Variants in UNC80 observed in about 807,000 individuals in gnomAD.
The protein encoded by UNC80 is protein unc-80 homolog.
Under a neutral mutation model 384.6 loss-of-function variants are expected in UNC80, and 164 were observed. That is an observed-to-expected ratio of 0.43 (90% CI 0.38 to 0.49). The LOEUF is 0.49. Among genes scored for constraint, UNC80 ranks in the 20% least tolerant of loss-of-function variants. The pLI, the probability that UNC80 is intolerant of heterozygous loss-of-function variation, is 0.00. For synonymous variants in UNC80, 1,486 were observed against 1,527.8 expected (o/e 0.97, Z 0.64); for missense variants, 3,330 against 4,143.0 (o/e 0.80, Z 5.39).
At chr2:209,841,721 A>G (rs959925512) in intron 20 of UNC80, among the ~76,000 whole-genome samples, 4 of 152,236 alleles carry the variant, frequency 2.6e-5, no homozygotes, top group Non-Finnish European at 4.4e-5. Context: ...ATGCAAGACT[A>G]TAGCATATTT....
intron 51 of UNC80, among the ~76,000 whole-genome samples, chr2:209,965,207 C>T (rs1275380102): frequency 6.6e-6 from 1 of 151,992 alleles, no homozygotes; most frequent in African/African-American, 2.4e-5. Flanking sequence ...GAGGCTGAGG[C>T]AGGCAGATTG....
chr2:209,912,638 T>A lies in UNC80; in HGVS notation c.4861T>A (p.Ser1621Thr). 1 of 1,551,344 alleles carries A rather than the reference T, an allele frequency of 6.4e-7. No homozygotes were observed. Among genetic ancestry groups the A allele is most frequent in the Non-Finnish European group, 8.7e-7 (1 of 1,146,818 alleles). ...SDANLEGKKDSGMLKYIRLQV... is the reference protein window; with the variant it reads ...SDANLEGKKDTGMLKYIRLQV... ...TGCCAATCTGGAAGGAAAAAAAGAT[T>A]CCGGAATGCTGAAGTACATCAGACT... is the stretch of plus-strand genomic sequence containing the variant. Residue 1621 changes from serine (S) to threonine (T), a missense_variant, in exon 30 of 65, where the codon TCC (serine) becomes ACC (threonine). Ser to Thr is a moderately conservative substitution (Grantham distance 58, BLOSUM62 1). Coordinates refer to ENST00000673920, the MANE Select transcript of UNC80 (RefSeq NM_001371986.1).
In UNC80 at chr2:209,957,748, C is replaced by A; in HGVS notation, c.7550+12C>A. 2.6e-6 allele frequency: 4 copies of A among 1,550,746 alleles called. No individual in the cohort carries two copies. The highest frequency in any genetic ancestry group is 3.5e-6 in the Non-Finnish European group (4 of 1,146,302). ...GGGGTGAACACCAGGTAATTCACTGCGCCTTATTCTTCTATGGTCTCTCAA... is the reference window on the plus strand; with the variant it reads ...GGGGTGAACACCAGGTAATTCACTGAGCCTTATTCTTCTATGGTCTCTCAA... On this transcript the variant is annotated intron_variant, in intron 49 of 64. Transcript: ENST00000673920.
At chr2:209,955,692 A>AATATATATATATATATATATATATAT (rs57804600) in intron 48 of UNC80, among the ~76,000 whole-genome samples, 1 of 51,614 alleles carries the variant, frequency 1.9e-5, no homozygotes, top group Non-Finnish European at 3.9e-5. Context: ...CTGTATTTCT[A>AATATATATATATATATATATATATAT]ATATATATAT....
intron 21 of UNC80, among the ~76,000 whole-genome samples, chr2:209,844,669 C>T (rs990136839): frequency 4.0e-5 from 6 of 151,268 alleles, no homozygotes; most frequent in East Asian, 1.9e-4. Flanking sequence ...AGTCCACTGC[C>T]GCCTCAAACT....
chr2:209,912,199 C>T (rs998815648), intron 29 of UNC80, among the ~76,000 whole-genome samples: 6 of 152,094 alleles, frequency 3.9e-5, no homozygotes, highest in African/African-American at 1.4e-4. Context: ...TGTTTTTTAA[C>T]TGCTTGATGA....
At chr2:209,993,574 A>G in intron 63 of UNC80, 148 bp downstream of exon 63, 1 of 635,388 alleles carries the variant, frequency 1.6e-6, no homozygotes, top group East Asian at 2.9e-5. Flanking sequence ...AGAAAACTGT[A>G]GTGTCTTTTT....
At chr2:209,978,841 G>A (rs1343910682) in intron 59 of UNC80, 133 bp downstream of exon 59, 5 of 833,950 alleles carry the variant, frequency 6.0e-6, no homozygotes, top group South Asian at 3.7e-5. Context: ...AGTTCTAGGG[G>A]AAATGTGACT....
At chr2:209,964,741 C>T (rs551475135) in intron 51 of UNC80, among the ~76,000 whole-genome samples, 12 of 148,110 alleles carry the variant, frequency 8.1e-5, no homozygotes, top group African/African-American at 2.0e-4. Flanking sequence ...GAGCCGAGAT[C>T]GCACCACTGC....
intron 59 of UNC80, 76 bp from the exon 60 acceptor site, chr2:209,982,103 C>T (rs1192187276): frequency 9.6e-6 from 14 of 1,456,616 alleles, no homozygotes; most frequent in Non-Finnish European, 1.3e-5. Context: ...AGGACAGAAC[C>T]CAAGTACAGC....
chr2:209,809,080 G>T, intron 7 of UNC80: 1 of 492,424 alleles, frequency 2.0e-6, no homozygotes. Context: ...CAGCGGGAAA[G>T]GCTCCCAGTC....
chr2:209,848,574 T>C (rs987469297), intron 21 of UNC80, among the ~76,000 whole-genome samples: 1 of 152,192 alleles, frequency 6.6e-6, no homozygotes, highest in Admixed American at 6.6e-5. Context: ...TTTCATGCTC[T>C]TTTAAATGTA....
chr2:209,881,461 A>G (rs2085283835), intron 25 of UNC80, among the ~76,000 whole-genome samples: 1 of 152,220 alleles, frequency 6.6e-6, no homozygotes, highest in Admixed American at 6.5e-5. Flanking sequence ...CCAACTGCTC[A>G]TAAATCTGTA....
At chr2:209,827,932 G>T (rs2080663479) in intron 14 of UNC80, among the ~76,000 whole-genome samples, 1 of 152,182 alleles carries the variant, frequency 6.6e-6, no homozygotes, top group Non-Finnish European at 1.5e-5. Flanking sequence ...TTATTGAAAA[G>T]GAATTCATTT....
chr2:209,784,257 A>G (rs923260226), intron 4 of UNC80, among the ~76,000 whole-genome samples: 4 of 152,188 alleles, frequency 2.6e-5, no homozygotes, highest in African/African-American at 4.8e-5. Context: ...AAAATAGTCT[A>G]TTCTTTCACT....
At chr2:209,892,270 T>C (rs1248942266) in intron 26 of UNC80, among the ~76,000 whole-genome samples, 5 of 152,214 alleles carry the variant, frequency 3.3e-5, no homozygotes, top group African/African-American at 1.2e-4. Context: ...CAGGACTTGC[T>C]AATTGATACA....
intron 31 of UNC80, 116 bp downstream of exon 31, chr2:209,914,056 A>C: frequency 7.9e-7 from 1 of 1,267,096 alleles, no homozygotes; most frequent in Non-Finnish European, 1.1e-6. Flanking sequence ...GTTAATGGCA[A>C]TTGCTATAAC....
intron 38 of UNC80, among the ~76,000 whole-genome samples, chr2:209,932,478 G>A (rs755493048): frequency 7.2e-5 from 11 of 152,132 alleles, no homozygotes; most frequent in South Asian, 2.1e-4. Flanking sequence ...AGATGAGAGC[G>A]CCTTCAGTGT....
intron 21 of UNC80, among the ~76,000 whole-genome samples, chr2:209,847,674 A>G (rs962905368): frequency 6.6e-6 from 1 of 152,024 alleles, no homozygotes; most frequent in Non-Finnish European, 1.5e-5. Flanking sequence ...ATTGAATACA[A>G]TTCTTTTGAA....
Sources: gnomAD v4.1 joint callset for allele counts (sites outside exome capture counted in the v4.1 genomes callset) on GRCh38, gnomAD v4.1.1 for gene constraint, MANE v1.5 for transcripts, NCBI Gene and HGNC (gene_info 2026-07-23, HGNC 2026-07-21) for gene names.